The following GLDC variants were observed in gnomAD, a reference collection of about 807,000 sequenced individuals.
GLDC encodes the protein glycine dehydrogenase (decarboxylating), mitochondrial.
GLDC carries 104 observed loss-of-function variants against 121.3 expected under a neutral mutation model. The observed-to-expected ratio is 0.86, with a 90% CI of 0.73 to 1.01. The LOEUF (loss-of-function observed/expected upper bound fraction) is 1.01, where lower values mean the gene tolerates loss of function less well. GLDC is among the 50% of genes least tolerant of loss of function. The pLI is 0.00. For missense variants in GLDC, 1,429 were observed against 1,306.6 expected (o/e 1.09, Z -1.44); for synonymous variants, 546 against 480.6 (o/e 1.14, Z -1.78).
chr9:6,604,733 G>A lies in GLDC; in HGVS notation c.913C>T (p.Pro305Ser). 2 of 1,614,128 alleles carry A rather than the reference G, an allele frequency of 1.2e-6. No individual in the cohort carries two copies. Among genetic ancestry groups the A allele is most frequent in the Non-Finnish European group, 1.7e-6 (2 of 1,179,988 alleles). ...GCGATGTCTACCCCAAATTCTCCAG[G>A]TGGCCTCAAGATGCACAAAGCTAAA... Reference protein sequence around the residue: ...DLLALCILRPPGEFGVDIALG... With the variant: ...DLLALCILRPSGEFGVDIALG... The change falls in exon 7 of 25, where the codon CCT becomes TCT. Residue 305 changes from proline to serine, a missense_variant. By Grantham distance (74) the Pro-to-Ser change is moderately conservative. Transcript: ENST00000321612.
At chr9:6,566,283 A>G (rs769323536) in intron 15 of GLDC, 3 of 152,230 alleles carry the variant, frequency 2.0e-5, no homozygotes, top group Non-Finnish European at 4.4e-5. Context: ...TGTCACACCT[A>G]GAACAATGAA....
At position 6,558,584 on chromosome 9, in the gene GLDC, A is replaced by G. The variant is rs761693858; in HGVS notation, c.2027T>C (p.Ile676Thr). ...QPVEVDKYGN[I>T]DAVHLKAMVD... is the part of the protein sequence containing the mutation. ...CATGGCCTTGAGGTGAACTGCATCG[A>G]TATTCCCATATTTATCCACCTCCAC... The change falls in exon 17 of 25, where the codon ATC (isoleucine) becomes ACC (threonine). Residue 676 changes from isoleucine (I) to threonine (T), a missense_variant. Ile to Thr is a moderately conservative substitution (Grantham distance 89). Coordinates refer to ENST00000321612, the MANE Select transcript of GLDC (RefSeq NM_000170.3). 10 of 1,614,202 alleles carry G rather than the reference A, an allele frequency of 6.2e-6. No individual in the cohort carries two copies. The highest frequency in any genetic ancestry group is 1.6e-4 in the Middle Eastern group (1 of 6,062).
intron 3 of GLDC, among the ~76,000 whole-genome samples, chr9:6,616,643 C>A (rs1818972233): frequency 1.3e-5 from 2 of 152,138 alleles, no homozygotes; most frequent in African/African-American, 4.8e-5. Context: ...AGAAAACATG[C>A]CTGTCATCTA....
intron 3 of GLDC, among the ~76,000 whole-genome samples, chr9:6,611,354 G>T (rs569795474): frequency 2.6e-5 from 4 of 152,150 alleles, no homozygotes; most frequent in African/African-American, 7.2e-5. Flanking sequence ...TCAGGAGATC[G>T]AGACCATCCT....
At chr9:6,603,872 G>A (rs1393080051) in intron 7 of GLDC, among the ~76,000 whole-genome samples, 2 of 151,630 alleles carry the variant, frequency 1.3e-5, no homozygotes, top group Non-Finnish European at 2.9e-5. Flanking sequence ...TGGGACTACA[G>A]GCGCCCACCA....
intron 4 of GLDC, among the ~76,000 whole-genome samples, chr9:6,609,680 G>C (rs974157479): frequency 2.7e-5 from 4 of 149,784 alleles, no homozygotes; most frequent in African/African-American, 9.9e-5. Flanking sequence ...CCCCTCCCCT[G>C]CTCCCGCCCT....
intron 2 of GLDC, among the ~76,000 whole-genome samples, chr9:6,641,928 G>A (rs1362073752): frequency 6.6e-6 from 1 of 152,208 alleles, no homozygotes; most frequent in Middle Eastern, 3.2e-3. Flanking sequence ...CCAAGTTTGA[G>A]TAATGGTGCT....
chr9:6,632,466 G>T (rs1819404226), intron 2 of GLDC, among the ~76,000 whole-genome samples: 1 of 152,168 alleles, frequency 6.6e-6, no homozygotes, highest in Non-Finnish European at 1.5e-5. Context: ...AAAATTCTCA[G>T]TTTGCATTTT....
At chr9:6,617,129 A>G (rs1038338112) in intron 3 of GLDC, among the ~76,000 whole-genome samples, 1 of 152,080 alleles carries the variant, frequency 6.6e-6, no homozygotes, top group African/African-American at 2.4e-5. Flanking sequence ...TTCCATCTCT[A>G]TGGAAACCAT....
intron 11 of GLDC, among the ~76,000 whole-genome samples, chr9:6,591,150 T>C (rs1470006073): frequency 1.3e-5 from 2 of 152,208 alleles, no homozygotes; most frequent in African/African-American, 4.8e-5. Flanking sequence ...CACTACTTCA[T>C]TATTTTAGAA....
At chr9:6,603,557 A>T (rs1048276229) in intron 7 of GLDC, among the ~76,000 whole-genome samples, 1 of 149,894 alleles carries the variant, frequency 6.7e-6, no homozygotes, top group Non-Finnish European at 1.5e-5. Flanking sequence ...ATAAATAAAT[A>T]AAATTTTAAA....
intron 24 of GLDC, among the ~76,000 whole-genome samples, chr9:6,533,626 A>G (rs887560138): frequency 6.6e-5 from 10 of 151,820 alleles, no homozygotes; most frequent in Non-Finnish European, 1.5e-4. Flanking sequence ...TGGGAGGCCA[A>G]GGCAGGCAGA....
chr9:6,640,025 T>C (rs1225065120), intron 2 of GLDC, among the ~76,000 whole-genome samples: 1 of 152,098 alleles, frequency 6.6e-6, no homozygotes, highest in Admixed American at 6.6e-5. Flanking sequence ...ACCAATCACA[T>C]CAGTTGCCCG....
At chr9:6,626,310 C>G (rs531374051) in intron 2 of GLDC, among the ~76,000 whole-genome samples, 3 of 152,246 alleles carry the variant, frequency 2.0e-5, no homozygotes, top group Non-Finnish European at 4.4e-5. Context: ...GGGGCACCAC[C>G]CCAGTCCTGA....
Position 6,576,898 on chromosome 9 carries a change from G to C in GLDC, c.1850+10243C>G, listed in dbSNP as rs547611646. Among the ~76,000 whole-genome samples the C allele has an allele frequency of 7.0e-4, 106 of 152,276 alleles. 2 individuals are homozygous for C. The South Asian group carries it at 0.021, about 30-fold the overall frequency. On this transcript the variant is annotated intron_variant, in intron 15 of 24. Transcript: ENST00000321612. ...AATCTCATTCACTTTTCTGTTGCTAGAGAAACCTACAACATGACTTGGTAG... is the reference window on the plus strand; with the variant it reads ...AATCTCATTCACTTTTCTGTTGCTACAGAAACCTACAACATGACTTGGTAG...
At chr9:6,592,327 T>G (rs1198977238) in intron 10 of GLDC, 104 bp from the exon 11 acceptor site, 1 of 769,824 alleles carries the variant, frequency 1.3e-6, no homozygotes, top group African/African-American at 1.7e-5. Flanking sequence ...CAAAATCCCA[T>G]CATTCCAAAA....
intron 5 of GLDC, 113 bp from the exon 6 acceptor site, chr9:6,605,391 C>G (rs561397163): frequency 5.0e-5 from 53 of 1,051,842 alleles, no homozygotes; most frequent in Non-Finnish European, 7.6e-5. Context: ...CCACAGTGGC[C>G]TCCCACCCCT....
At chr9:6,535,743 A>G (rs946268845) in intron 23 of GLDC, among the ~76,000 whole-genome samples, 5 of 152,224 alleles carry the variant, frequency 3.3e-5, no homozygotes, top group Non-Finnish European at 5.9e-5. Context: ...GTGTGCTTGT[A>G]CAGAGTTTGT....
Position 6,556,193 on chromosome 9 carries a change from C to T in GLDC, c.2162G>A (p.Gly721Glu). The part of the protein sequence containing the change: ...SDVCDLIHQH[G>E]GQVYLDGANM... The stretch of plus-strand genomic sequence containing the variant: ...TGCCCCGTCTAGGTAGACCTGTCCT[C>T]CATGTTGATGGATGAGGTCACACAC... The change falls in exon 18 of 25, where the codon GGA becomes GAA. Residue 721 changes from glycine (G) to glutamate (E), a missense_variant. Transcript: ENST00000321612. 6.2e-7 allele frequency: 1 copy of T among 1,613,422 alleles called. No homozygotes were observed. Among genetic ancestry groups the T allele is most frequent in the Non-Finnish European group, 8.5e-7 (1 of 1,179,478 alleles).
Sources: allele counts gnomAD v4.1 joint callset (sites outside exome capture counted in the v4.1 genomes callset), GRCh38; gene constraint gnomAD v4.1.1; transcripts MANE v1.5; gene names NCBI Gene and HGNC (gene_info 2026-07-23, HGNC 2026-07-21).